The following ATF6 variants were observed in gnomAD, a reference collection of about 807,000 sequenced individuals.
ATF6 encodes activating transcription factor 6, also known as cyclic AMP-dependent transcription factor ATF-6 alpha.
ATF6 carries 53 observed loss-of-function variants against 83.6 expected under a neutral mutation model. The observed-to-expected ratio is 0.63, with a 90% confidence interval of 0.51 to 0.80. The LOEUF is 0.80. Ranked by LOEUF, ATF6 falls within the 30% of genes least tolerant of loss-of-function variation. ATF6 has a pLI of 0.00. For synonymous variants in ATF6, 288 were observed against 285.8 expected, an observed-to-expected ratio of 1.01 and a Z score of -0.08; for missense variants, 744 against 797.9, an observed-to-expected ratio of 0.93 and a Z score of 0.81.
chr1:161,914,212 A>G (rs1688045703), intron 15 of ATF6, among the ~76,000 whole-genome samples: 1 of 152,208 alleles, frequency 6.6e-6, no homozygotes. Flanking sequence ...TTTTCTCTTA[A>G]CAGTCTTGCT....
intron 7 of ATF6, among the ~76,000 whole-genome samples, chr1:161,806,756 T>C (rs1685291818): frequency 6.6e-6 from 1 of 152,124 alleles, no homozygotes; most frequent in African/African-American, 2.4e-5. Flanking sequence ...AGAGTCATCA[T>C]GAGAAGGTAG....
At chr1:161,831,721 C>T (rs1052995228) in intron 9 of ATF6, among the ~76,000 whole-genome samples, 1 of 147,968 alleles carries the variant, frequency 6.8e-6, no homozygotes, top group Non-Finnish European at 1.5e-5. Flanking sequence ...CACATGTTCT[C>T]ACTCATAGGT....
intron 1 of ATF6, among the ~76,000 whole-genome samples, chr1:161,769,230 A>G (rs1165906091): frequency 6.6e-6 from 1 of 152,236 alleles, no homozygotes; most frequent in Non-Finnish European, 1.5e-5. Context: ...TGAATTTCAC[A>G]TAATTATTTT....
At chr1:161,855,632 A>G (rs80132298) in intron 12 of ATF6, among the ~76,000 whole-genome samples, 1,978 of 152,314 alleles carry the variant, frequency 0.013, 48 homozygotes, top group African/African-American at 0.044. Context: ...CTCCAACATT[A>G]CAGGTTGAAA....
intron 3 of ATF6, among the ~76,000 whole-genome samples, chr1:161,783,743 T>C (rs1433271389): frequency 1.3e-5 from 2 of 151,784 alleles, no homozygotes; most frequent in Admixed American, 1.3e-4. Flanking sequence ...AGTGTACACA[T>C]ATATATACAC....
chr1:161,793,309 A>G (rs773014296), intron 6 of ATF6, among the ~76,000 whole-genome samples: 3 of 152,248 alleles, frequency 2.0e-5, no homozygotes, highest in Admixed American at 6.5e-5. Context: ...AAATTCATCC[A>G]TCAGTCCCAC....
chr1:161,945,069 G>A (rs1009158303), intron 15 of ATF6, among the ~76,000 whole-genome samples: 1 of 152,180 alleles, frequency 6.6e-6, no homozygotes, highest in South Asian at 2.1e-4. Context: ...AGGAGGCACC[G>A]TCCTAAGCTC....
chr1:161,958,383 A>G, intron 15 of ATF6, 63 bp from the exon 16 acceptor site: 1 of 1,485,982 alleles, frequency 6.7e-7, no homozygotes, highest in Non-Finnish European at 9.1e-7. Flanking sequence ...CTGGGGCTGA[A>G]GCTTATGGCA....
Position 161,770,997 on chromosome 1 carries a change from G to A in ATF6, c.82+4555G>A, listed in dbSNP as rs558847016. On this transcript the variant is annotated intron_variant, in intron 1 of 15. Coordinates refer to ENST00000367942, the MANE Select transcript of ATF6 (RefSeq NM_007348.4). ...TGCTCCACATCCTTGCTAACATTTG[G>A]TGTTGCCAGTACTTTGGATTTTAGT... is the stretch of plus-strand genomic sequence containing the variant. 1.2e-4 allele frequency among the ~76,000 whole-genome samples: 18 copies of A among 152,282 alleles called. No homozygotes were observed. The South Asian group carries it at 3.5e-3, about 30-fold the overall frequency.
At chr1:161,848,339 A>G (rs1478372863) in intron 10 of ATF6, among the ~76,000 whole-genome samples, 2 of 152,076 alleles carry the variant, frequency 1.3e-5, no homozygotes, top group African/African-American at 4.8e-5. Flanking sequence ...ACTGAATTTT[A>G]GATGTTTTAT....
At chr1:161,947,001 C>T (rs969525279) in intron 15 of ATF6, among the ~76,000 whole-genome samples, 2 of 152,112 alleles carry the variant, frequency 1.3e-5, no homozygotes, top group Non-Finnish European at 2.9e-5. Flanking sequence ...AGAATTCACT[C>T]GGTATATGTG....
intron 14 of ATF6, among the ~76,000 whole-genome samples, chr1:161,878,699 A>G (rs953190390): frequency 1.7e-4 from 26 of 152,140 alleles, no homozygotes; most frequent in African/African-American, 6.3e-4. Context: ...CCAAGAGAAG[A>G]GACTTTTGAA....
chr1:161,782,468 A>G (rs1684656785), intron 3 of ATF6, among the ~76,000 whole-genome samples: 1 of 152,216 alleles, frequency 6.6e-6, no homozygotes, highest in Non-Finnish European at 1.5e-5. Flanking sequence ...GAAAGAAGCC[A>G]GAACCTGGAG....
intron 9 of ATF6, among the ~76,000 whole-genome samples, chr1:161,844,286 C>T (rs1686426688): frequency 6.6e-6 from 1 of 152,050 alleles, no homozygotes; most frequent in Non-Finnish European, 1.5e-5. Context: ...TAAAGAGGAG[C>T]ATGTGAAAGA....
intron 15 of ATF6, among the ~76,000 whole-genome samples, chr1:161,956,952 A>G (rs1688978085): frequency 6.6e-6 from 1 of 152,204 alleles, no homozygotes; most frequent in African/African-American, 2.4e-5. Context: ...AACTTTGCGT[A>G]TGATTTCAGG....
In ATF6 at chr1:161,829,859, C is replaced by T. The variant is rs533010043; in HGVS notation, c.1187+8698C>T. Among the ~76,000 whole-genome samples the T allele has an allele frequency of 1.1e-4, 17 of 152,206 alleles. No individual in the cohort carries two copies. The South Asian group carries it at 1.2e-3, about 11-fold the overall frequency. ...CACAGCCAATATCATACTGAATGGG[C>T]AAAAACTGGAAGCATTCCCTTTGAA... On this transcript the variant is annotated intron_variant, in intron 9 of 15. Transcript: ENST00000367942.
At chr1:161,802,507 G>C (rs1199971680) in intron 7 of ATF6, among the ~76,000 whole-genome samples, 3 of 152,098 alleles carry the variant, frequency 2.0e-5, no homozygotes, top group African/African-American at 7.2e-5. Context: ...GAAAAGCAAA[G>C]TATGCATACC....
chr1:161,867,953 G>A (rs1017171685), intron 14 of ATF6, among the ~76,000 whole-genome samples: 34 of 152,110 alleles, frequency 2.2e-4, no homozygotes, highest in Admixed American at 1.4e-3. Flanking sequence ...TCATATATAC[G>A]GCATGGATTA....
intron 13 of ATF6, 79 bp from the exon 14 acceptor site, chr1:161,863,119 A>G (rs1686919556): frequency 9.3e-6 from 7 of 754,946 alleles, no homozygotes; most frequent in Non-Finnish European, 1.3e-5. Context: ...GAATTCAGAC[A>G]TAGCCTTAGA....
Sources: allele counts gnomAD v4.1 joint callset (sites outside exome capture counted in the v4.1 genomes callset), GRCh38; gene constraint gnomAD v4.1.1; transcripts MANE v1.5; gene names NCBI Gene and HGNC (gene_info 2026-07-23, HGNC 2026-07-21).